SNX29: variants seen among roughly 807,000 people sequenced by gnomAD.
SNX29 encodes the protein sorting nexin-29.
Under a neutral mutation model 102.1 loss-of-function variants are expected in SNX29, and 78 were observed. The observed-to-expected ratio is 0.76, with a 90% CI of 0.64 to 0.92. The LOEUF is 0.92. Among genes scored for constraint, SNX29 ranks in the 40% least tolerant of loss-of-function variants. The pLI is 0.00. For missense variants in SNX29, 1,280 were observed against 1,061.7 expected (o/e 1.21, Z -2.86); for synonymous variants, 580 against 414.5 (o/e 1.40, Z -4.85).
intron 14 of SNX29, among the ~76,000 whole-genome samples, chr16:12,205,425 A>T (rs1474350017): frequency 6.6e-6 from 1 of 152,084 alleles, no homozygotes; most frequent in African/African-American, 2.4e-5. Context: ...TGACTTTTTG[A>T]TGATGGCCTT....
chr16:12,431,403 A>G (rs1167983137), intron 18 of SNX29, among the ~76,000 whole-genome samples: 1 of 145,908 alleles, frequency 6.9e-6, no homozygotes, highest in Non-Finnish European at 1.5e-5. Flanking sequence ...TTTTTCATTT[A>G]GGGGCTTGAG....
chr16:12,218,843 C>T (rs1261269836), intron 14 of SNX29, among the ~76,000 whole-genome samples: 1 of 152,068 alleles, frequency 6.6e-6, no homozygotes, highest in South Asian at 2.1e-4. Flanking sequence ...GGCGCGACCT[C>T]GGCTCACTGC....
chr16:12,122,070 C>T (rs1226470065), intron 11 of SNX29, among the ~76,000 whole-genome samples: 3 of 152,214 alleles, frequency 2.0e-5, no homozygotes, highest in African/African-American at 4.8e-5. Context: ...CCTGCCTCAG[C>T]CTCCCAAAGT....
At chr16:12,211,459 C>A (rs947192640) in intron 14 of SNX29, among the ~76,000 whole-genome samples, 1 of 152,084 alleles carries the variant, frequency 6.6e-6, no homozygotes, top group Admixed American at 6.6e-5. Flanking sequence ...GGGACTGTTG[C>A]CTCCATTTTA....
At chr16:12,455,618 C>G (rs2086502925) in intron 18 of SNX29, among the ~76,000 whole-genome samples, 1 of 152,242 alleles carries the variant, frequency 6.6e-6, no homozygotes, top group Non-Finnish European at 1.5e-5. Flanking sequence ...GTTTTCGCTG[C>G]TATGAGTGTC....
chr16:12,298,141 G>A (rs1011516866), intron 15 of SNX29, among the ~76,000 whole-genome samples: 1 of 152,208 alleles, frequency 6.6e-6, no homozygotes, highest in African/African-American at 2.4e-5. Context: ...CTGCACTCCA[G>A]CCTGGGCAAC....
At chr16:12,566,782 C>G (rs766237332) in intron 20 of SNX29, among the ~76,000 whole-genome samples, 3 of 152,370 alleles carry the variant, frequency 2.0e-5, no homozygotes, top group African/African-American at 7.2e-5. Context: ...GCACAGCACA[C>G]GCCAGGCTGG....
intron 16 of SNX29, among the ~76,000 whole-genome samples, chr16:12,384,078 C>G (rs1323510712): frequency 2.6e-5 from 4 of 152,028 alleles, no homozygotes; most frequent in Non-Finnish European, 5.9e-5. Flanking sequence ...TGAATAGTAC[C>G]CCACTGTGTA....
chr16:12,426,391 A>T lies in SNX29; in HGVS notation c.2037+22862A>T, dbSNP rs202021198. On this transcript the variant is annotated intron_variant, in intron 18 of 20. Transcript: ENST00000566228. ...TCTGATCCTGAAAGCTTCTGCTCAG[A>T]AGTGACACGTCACTCCCTCAAAACA... Among the ~76,000 whole-genome samples the T allele has an allele frequency of 1.8e-4, 28 of 152,252 alleles. No individual in the cohort carries two copies. The East Asian group carries it at 4.3e-3, about 23-fold the overall frequency.
At chr16:12,042,819 C>T in intron 4 of SNX29, 78 bp from the exon 5 acceptor site, 2 of 1,457,154 alleles carry the variant, frequency 1.4e-6, no homozygotes, top group Non-Finnish European at 1.9e-6. Context: ...CCAACTTCGC[C>T]TAGAGGCTTT....
chr16:12,473,051 A>G (rs1298365827), intron 18 of SNX29, among the ~76,000 whole-genome samples: 1 of 152,106 alleles, frequency 6.6e-6, no homozygotes, highest in Non-Finnish European at 1.5e-5. Context: ...TTATGGCTCA[A>G]GCAGAAGGAA....
chr16:12,302,633 C>A (rs1393183198), intron 15 of SNX29, among the ~76,000 whole-genome samples: 1 of 152,186 alleles, frequency 6.6e-6, no homozygotes, highest in Non-Finnish European at 1.5e-5. Flanking sequence ...GACCTAAGCG[C>A]CTCCCAAAGG....
intron 14 of SNX29, among the ~76,000 whole-genome samples, chr16:12,225,047 G>A (rs1245048166): frequency 6.6e-6 from 1 of 152,126 alleles, no homozygotes; most frequent in Non-Finnish European, 1.5e-5. Context: ...TCTTACTTTA[G>A]TCAGAAATCT....
rs1381333745 is a variant in SNX29, at chr16:12,573,330, G to A, written c.*4701G>A. ...GCCCGATTTGGGTACTCTGAATTAT[G>A]TCATGGAGTAGACAGTTACTTCTAA... On this transcript the variant is annotated 3_prime_UTR_variant, in exon 21 of 21. Transcript: ENST00000566228. The A allele has an allele frequency of 4.4e-6, 1 of 225,924 alleles. No homozygotes were observed. 14.0% of individuals were successfully genotyped at this position (225,924 alleles called of 1,614,324 possible).
intron 10 of SNX29, among the ~76,000 whole-genome samples, chr16:12,075,966 G>A (rs1010070068): frequency 2.6e-5 from 4 of 152,232 alleles, no homozygotes; most frequent in African/African-American, 7.2e-5. Context: ...AGGACCCTCC[G>A]AGCCAGGTGC....
intron 6 of SNX29, 116 bp downstream of exon 6, chr16:12,046,570 A>G (rs1204477518): frequency 1.2e-5 from 11 of 887,332 alleles, no homozygotes; most frequent in Non-Finnish European, 1.7e-5. Context: ...CAACAACTCA[A>G]TGAGTCACTT....
intron 16 of SNX29, among the ~76,000 whole-genome samples, chr16:12,385,040 C>T (rs2083296484): frequency 6.6e-6 from 1 of 152,214 alleles, no homozygotes; most frequent in Admixed American, 6.5e-5. Flanking sequence ...CATGGCGGCG[C>T]ACGCCTATAG....
intron 19 of SNX29, among the ~76,000 whole-genome samples, chr16:12,487,331 C>T (rs1332829735): frequency 3.3e-5 from 5 of 152,174 alleles, no homozygotes; most frequent in African/African-American, 7.2e-5. Flanking sequence ...ACCTCAAAGC[C>T]AGTGTTTCCA....
intron 11 of SNX29, among the ~76,000 whole-genome samples, chr16:12,124,671 C>T (rs1415024840): frequency 6.6e-6 from 1 of 152,206 alleles, no homozygotes; most frequent in Non-Finnish European, 1.5e-5. Context: ...TGGTGTCTTA[C>T]TTCCTAAATG....
Sources: gnomAD v4.1 joint callset for allele counts (sites outside exome capture counted in the v4.1 genomes callset) on GRCh38, gnomAD v4.1.1 for gene constraint, MANE v1.5 for transcripts, NCBI Gene and HGNC (gene_info 2026-07-23, HGNC 2026-07-21) for gene names.